The following TFAP2B variants were observed in gnomAD, a reference collection of about 807,000 sequenced individuals.
TFAP2B encodes transcription factor AP-2-beta.
In TFAP2B, 9 loss-of-function variants were observed where a neutral mutation model predicts 44.3. The observed-to-expected ratio is 0.20, with a 90% CI of 0.12 to 0.35. TFAP2B has a LOEUF of 0.35. TFAP2B is among the 10% of genes least tolerant of loss of function. The pLI is 1.00. For synonymous variants in TFAP2B, 270 were observed against 263.8 expected (o/e 1.02, Z -0.23); for missense variants, 509 against 600.0 (o/e 0.85, Z 1.59).
chr6:50,825,833 G>A (rs1398760911), intron 2 of TFAP2B, among the ~76,000 whole-genome samples: 3 of 152,060 alleles, frequency 2.0e-5, no homozygotes, highest in Non-Finnish European at 4.4e-5. Context: ...GTCACCTGCC[G>A]GGAGGCCCAC....
At chr6:50,826,568 C>CGT (rs1412874942) in intron 2 of TFAP2B, among the ~76,000 whole-genome samples, 1 of 137,948 alleles carries the variant, frequency 7.2e-6, no homozygotes, top group Admixed American at 7.1e-5. Context: ...TGTGCATGAG[C>CGT]GCGCGCGCGC....
chr6:50,841,228 C>A (rs1394664865), intron 6 of TFAP2B, among the ~76,000 whole-genome samples: 1 of 152,142 alleles, frequency 6.6e-6, no homozygotes, highest in African/African-American at 2.4e-5. Flanking sequence ...ATTTGTTCTC[C>A]CCAGTTCAGA....
At chr6:50,827,297 T>C (rs1156794659) in intron 2 of TFAP2B, among the ~76,000 whole-genome samples, 1 of 152,216 alleles carries the variant, frequency 6.6e-6, no homozygotes, top group Non-Finnish European at 1.5e-5. Context: ...ACAAGTTACA[T>C]GAAATATTTT....
Position 50,823,489 on chromosome 6 carries a change from C to G in TFAP2B, c.164C>G (p.Pro55Arg). Reference protein sequence around the residue: ...SVSQGPYSSAPPLSHTPSSDF... With the variant: ...SVSQGPYSSARPLSHTPSSDF... ...TCCCAAGGACCCTACTCGAGCGCCC[C>G]GCCGCTGTCCCACACCCCGTCGTCG... is the stretch of plus-strand genomic sequence containing the variant. The change falls in exon 2 of 7, where the codon CCG becomes CGG. Residue 55 changes from proline to arginine, a missense_variant. Pro to Arg is a moderately radical substitution (Grantham distance 103). Transcript: ENST00000393655. The G allele has an allele frequency of 6.2e-7, 1 of 1,613,282 alleles. No homozygotes were observed.
At chr6:50,834,325 A>G (rs1762577775) in intron 3 of TFAP2B, among the ~76,000 whole-genome samples, 1 of 152,212 alleles carries the variant, frequency 6.6e-6, no homozygotes, top group South Asian at 2.1e-4. Flanking sequence ...CCGCCCCATG[A>G]CAGGGCAGAA....
chr6:50,840,954 C>G (rs577065334), intron 6 of TFAP2B, among the ~76,000 whole-genome samples: 2 of 152,348 alleles, frequency 1.3e-5, no homozygotes, highest in East Asian at 3.9e-4. Flanking sequence ...TGCGCCCGCA[C>G]GTTTCTCTTG....
In TFAP2B at chr6:50,840,256, G is replaced by C. The variant is rs759323506; in HGVS notation, c.1041G>C (p.Pro347=). The part of the protein sequence containing the change: ...SEYLNRQHTD[P]SDLHSRKNML... Reference sequence around the variant, plus strand: ...ATTTGAACCGGCAGCACACAGACCCGAGTGACCTGCACTCCCGAAAGAATA... The same window carrying C: ...ATTTGAACCGGCAGCACACAGACCCCAGTGACCTGCACTCCCGAAAGAATA... Residue 347 remains proline (P), a synonymous_variant, in exon 6 of 7, where the codon CCG becomes CCC. Coordinates refer to ENST00000393655, the MANE Select transcript of TFAP2B (RefSeq NM_003221.4). The C allele has an allele frequency of 6.2e-7, 1 of 1,614,078 alleles. No homozygotes were observed. Among genetic ancestry groups the C allele is most frequent in the South Asian group, 1.1e-5 (1 of 91,082 alleles).
upstream of TFAP2B, chr6:50,818,858 G>C (rs2272903): frequency 1.2e-6 from 2 of 1,600,896 alleles, no homozygotes; most frequent in Middle Eastern, 3.3e-4. Flanking sequence ...AGACAGCGGA[G>C]TCCTGAGAAG....
intron 4 of TFAP2B, among the ~76,000 whole-genome samples, chr6:50,836,836 C>T (rs1561964557): frequency 1.3e-5 from 2 of 152,176 alleles, no homozygotes; most frequent in Non-Finnish European, 2.9e-5. Context: ...TTTGTGACAT[C>T]CCTCTTTCAA....
chr6:50,838,186 C>G, intron 5 of TFAP2B, 93 bp downstream of exon 5: 2 of 1,062,200 alleles, frequency 1.9e-6, no homozygotes, highest in Non-Finnish European at 2.9e-6. Context: ...AACTGGAAAT[C>G]GTTGTGATTG....
At chr6:50,841,686 G>A (rs1039327410) in intron 6 of TFAP2B, among the ~76,000 whole-genome samples, 2 of 144,594 alleles carry the variant, frequency 1.4e-5, no homozygotes, top group Non-Finnish European at 2.9e-5. Context: ...CTTCTAAATT[G>A]GAATTACTGG....
At chr6:50,843,001 G>A (rs1762762913) in intron 6 of TFAP2B, 91 bp from the exon 7 acceptor site, 25 of 1,545,994 alleles carry the variant, frequency 1.6e-5, no homozygotes, top group Non-Finnish European at 2.1e-5. Flanking sequence ...CGGTGACCCG[G>A]CGCCTCTGGG....
chr6:50,834,938 A>T (rs968210998), intron 3 of TFAP2B, among the ~76,000 whole-genome samples: 2 of 152,216 alleles, frequency 1.3e-5, no homozygotes, highest in Non-Finnish European at 2.9e-5. Context: ...AAACCTACAT[A>T]AAGAAAATGG....
chr6:50,839,720 G>A (rs1762688941), intron 5 of TFAP2B, among the ~76,000 whole-genome samples: 1 of 152,180 alleles, frequency 6.6e-6, no homozygotes, highest in South Asian at 2.1e-4. Context: ...ACATGGGCTT[G>A]TTTTTATATA....
Position 50,818,971 on chromosome 6 carries a change from A to G in TFAP2B, c.80A>G (p.Glu27Gly). The change falls in exon 1 of 7, where the codon GAG becomes GGG. Residue 27 changes from glutamate (E) to glycine (G), a missense_variant and splice_region_variant. Physicochemically the swap from Glu to Gly is moderately conservative, Grantham distance 98 (BLOSUM62 -2). Coordinates refer to ENST00000393655, the MANE Select transcript of TFAP2B (RefSeq NM_003221.4). ...VENVKYEDIY[E>G]DRHDGVPSHS... ...AATGTCAAGTACGAAGATATCTATG[A>G]GGTGAGTCGACACCCCCAGATGCAC... is the stretch of plus-strand genomic sequence containing the variant. 1 of 1,614,066 alleles carries G rather than the reference A, an allele frequency of 6.2e-7. No individual in the cohort carries two copies. Among genetic ancestry groups the G allele is most frequent in the Non-Finnish European group, 8.5e-7 (1 of 1,179,968 alleles).
At chr6:50,835,464 C>T (rs1285086107) in intron 3 of TFAP2B, among the ~76,000 whole-genome samples, 1 of 152,238 alleles carries the variant, frequency 6.6e-6, no homozygotes, top group South Asian at 2.1e-4. Context: ...GGGCCCAGCT[C>T]CCCAGCTCAA....
chr6:50,821,636 C>G (rs1309657932), intron 1 of TFAP2B: 1 of 155,780 alleles, frequency 6.4e-6, no homozygotes, highest in East Asian at 1.9e-4. Context: ...CTTTGCCAGC[C>G]CCCTCGTCTG....
chr6:50,836,841 T>C (rs1762633677), intron 4 of TFAP2B, among the ~76,000 whole-genome samples: 1 of 152,236 alleles, frequency 6.6e-6, no homozygotes, highest in Non-Finnish European at 1.5e-5. Flanking sequence ...GACATCCCTC[T>C]TTCAATAACA....
rs759417902 is a variant in TFAP2B at position 50,843,953 on chromosome 6, G to A, written c.*561G>A. The A allele has an allele frequency of 1.3e-5, 2 of 155,116 alleles. No individual in the cohort carries two copies. Among genetic ancestry groups the A allele is most frequent in the Non-Finnish European group, 2.8e-5 (2 of 70,404 alleles). The allele number at this position is 155,116 out of a possible 1,614,324, so 9.6% of individuals were successfully genotyped here. ...CGGGAATCTTCTGGGATGAAAATGA[G>A]TGTGGTTGGCCCTTTTGCGTTGTTT... On this transcript the variant is annotated 3_prime_UTR_variant, in exon 7 of 7. Coordinates refer to ENST00000393655, the MANE Select transcript of TFAP2B (RefSeq NM_003221.4).
Sources: gnomAD v4.1 joint callset for allele counts (sites outside exome capture counted in the v4.1 genomes callset) on GRCh38, gnomAD v4.1.1 for gene constraint, MANE v1.5 for transcripts, NCBI Gene and HGNC (gene_info 2026-07-23, HGNC 2026-07-21) for gene names.